DOCK3: variants seen among roughly 807,000 people sequenced by gnomAD.
The protein encoded by DOCK3 is dedicator of cytokinesis protein 3.
DOCK3 carries 60 observed loss-of-function variants against 265.6 expected under a neutral mutation model. The observed-to-expected ratio is 0.23, with a 90% CI of 0.18 to 0.28. DOCK3 has a LOEUF of 0.28. DOCK3 is among the 10% of genes least tolerant of loss of function. The probability of loss-of-function intolerance (pLI) is 1.00; values close to 1 mark genes in which losing one functional copy is unlikely to be tolerated. For missense variants in DOCK3, 1,981 were observed against 2,594.3 expected (o/e 0.76, Z 5.14); for synonymous variants, 881 against 938.0 (o/e 0.94, Z 1.11).
At chr3:51,140,106 C>A (rs2084980063) in intron 9 of DOCK3, among the ~76,000 whole-genome samples, 1 of 152,188 alleles carries the variant, frequency 6.6e-6, no homozygotes, top group Non-Finnish European at 1.5e-5. Flanking sequence ...CCTTTTGTAA[C>A]ATAATTCACA....
At chr3:50,699,489 G>A (rs1297330006) in intron 1 of DOCK3, among the ~76,000 whole-genome samples, 2 of 133,142 alleles carry the variant, frequency 1.5e-5, no homozygotes, top group African/African-American at 5.8e-5. Context: ...TTCTTGCTCT[G>A]TTGCCCAGGC....
chr3:50,679,491 A>G (rs907645720), intron 1 of DOCK3, among the ~76,000 whole-genome samples: 2 of 151,886 alleles, frequency 1.3e-5, no homozygotes, highest in Non-Finnish European at 1.5e-5. Flanking sequence ...TAGGGAAGAA[A>G]AGCACTTAAA....
At chr3:50,714,473 A>G (rs2036971386) in intron 1 of DOCK3, among the ~76,000 whole-genome samples, 1 of 151,906 alleles carries the variant, frequency 6.6e-6, no homozygotes, top group South Asian at 2.1e-4. Flanking sequence ...GTCTCTGACT[A>G]CTTCTTTTAT....
intron 1 of DOCK3, among the ~76,000 whole-genome samples, chr3:50,729,111 A>G (rs1307458421): frequency 2.7e-5 from 4 of 146,484 alleles, no homozygotes; most frequent in African/African-American, 4.9e-5. Flanking sequence ...ACTTGAGCTC[A>G]GGAGTTCAAG....
intron 5 of DOCK3, among the ~76,000 whole-genome samples, chr3:50,978,971 C>T (rs902831219): frequency 2.6e-5 from 4 of 152,226 alleles, no homozygotes; most frequent in Admixed American, 6.5e-5. Flanking sequence ...CCTTGCGCTT[C>T]CCGAGTGAGG....
chr3:51,013,860 TC>T (rs1296296177), intron 5 of DOCK3, among the ~76,000 whole-genome samples: 1 of 152,140 alleles, frequency 6.6e-6, no homozygotes, highest in Non-Finnish European at 1.5e-5. Context: ...TTTGTTTACC[TC>T]CTAAGCCTCA....
intron 3 of DOCK3, among the ~76,000 whole-genome samples, chr3:50,858,594 T>C (rs1352648306): frequency 6.6e-6 from 1 of 152,104 alleles, no homozygotes; most frequent in Non-Finnish European, 1.5e-5. Context: ...CTTTCTTTTA[T>C]TCAAACCTTG....
chr3:50,823,737 G>A (rs919190493), intron 2 of DOCK3, among the ~76,000 whole-genome samples: 1 of 151,854 alleles, frequency 6.6e-6, no homozygotes, highest in Non-Finnish European at 1.5e-5. Flanking sequence ...TCCCAGTAGG[G>A]GCGGCTGGGC....
intron 5 of DOCK3, among the ~76,000 whole-genome samples, chr3:51,023,768 T>G (rs976760717): frequency 6.6e-6 from 1 of 152,180 alleles, no homozygotes; most frequent in Admixed American, 6.5e-5. Context: ...TTCATGCATA[T>G]CCTTGACTGT....
At chr3:50,768,612 A>G (rs2041064204) in intron 1 of DOCK3, among the ~76,000 whole-genome samples, 1 of 152,218 alleles carries the variant, frequency 6.6e-6, no homozygotes, top group Non-Finnish European at 1.5e-5. Flanking sequence ...ACTGAATAGT[A>G]TTCTATTGTG....
intron 40 of DOCK3, among the ~76,000 whole-genome samples, chr3:51,353,064 T>A (rs2086110960): frequency 6.6e-6 from 1 of 152,232 alleles, no homozygotes; most frequent in African/African-American, 2.4e-5. Flanking sequence ...CCTCCCTTCT[T>A]GAGGGAATTT....
intron 2 of DOCK3, among the ~76,000 whole-genome samples, chr3:50,827,660 C>G (rs1320756643): frequency 6.6e-6 from 1 of 151,098 alleles, no homozygotes. Flanking sequence ...ATGGCAAAAA[C>G]CCCAATTACT....
intron 9 of DOCK3, among the ~76,000 whole-genome samples, chr3:51,122,906 A>G (rs573618912): frequency 4.5e-4 from 68 of 152,328 alleles, no homozygotes; most frequent in African/African-American, 1.4e-3. Flanking sequence ...GCATGCGCAC[A>G]CAGACACATA....
chr3:51,023,477 G>A (rs894739182), intron 5 of DOCK3, among the ~76,000 whole-genome samples: 3 of 152,128 alleles, frequency 2.0e-5, no homozygotes, highest in Non-Finnish European at 4.4e-5. Flanking sequence ...GTGCAGTGGT[G>A]TGATCTCGGC....
intron 5 of DOCK3, among the ~76,000 whole-genome samples, chr3:51,048,039 CAG>C (rs748720936): frequency 2.0e-5 from 3 of 152,032 alleles, no homozygotes; most frequent in Non-Finnish European, 4.4e-5. Flanking sequence ...TACATCAAAC[CAG>C]TAATCCTGGG....
intron 3 of DOCK3, among the ~76,000 whole-genome samples, chr3:50,882,047 A>G (rs2048063230): frequency 6.6e-6 from 1 of 152,220 alleles, no homozygotes; most frequent in Non-Finnish European, 1.5e-5. Flanking sequence ...TGGTGCTCGG[A>G]AAACTGGCTA....
At chr3:51,248,624 G>A (rs1213974216) in intron 22 of DOCK3, among the ~76,000 whole-genome samples, 1 of 152,118 alleles carries the variant, frequency 6.6e-6, no homozygotes, top group Non-Finnish European at 1.5e-5. Flanking sequence ...CCCCGTCTGG[G>A]CAGTGAGGAG....
At chr3:50,945,300 G>A (rs555917856) in intron 5 of DOCK3, among the ~76,000 whole-genome samples, 1 of 152,206 alleles carries the variant, frequency 6.6e-6, no homozygotes, top group African/African-American at 2.4e-5. Context: ...AAGTGGGTAT[G>A]TATGATGAAG....
rs1193765885 is a variant in DOCK3, at chr3:50,917,565, C to T, written c.219-16416C>T. 3.3e-5 allele frequency among the ~76,000 whole-genome samples: 5 copies of T among 152,068 alleles called. No individual in the cohort carries two copies. The East Asian group carries it at 9.6e-4, about 29-fold the overall frequency. On this transcript the variant is annotated intron_variant, in intron 4 of 52. Transcript: ENST00000266037. ...GATGATTATGCTCACCCCTTTTACTCTAATACTGTTTTTGTGTTTTTTAAA... is the reference window on the plus strand; with the variant it reads ...GATGATTATGCTCACCCCTTTTACTTTAATACTGTTTTTGTGTTTTTTAAA...
Sources: allele counts gnomAD v4.1 joint callset (sites outside exome capture counted in the v4.1 genomes callset), GRCh38; gene constraint gnomAD v4.1.1; transcripts MANE v1.5; gene names NCBI Gene and HGNC (gene_info 2026-07-23, HGNC 2026-07-21).